MEGF6: variants seen among roughly 807,000 people sequenced by gnomAD.
MEGF6 encodes the protein multiple EGF like domains 6.
Under a neutral mutation model 207.1 loss-of-function variants are expected in MEGF6, and 184 were observed. The observed-to-expected ratio is 0.89, with a 90% CI of 0.79 to 1.00. The LOEUF (loss-of-function observed/expected upper bound fraction) is 1.00, where lower values mean the gene tolerates loss of function less well. Among genes scored for constraint, MEGF6 ranks in the 50% least tolerant of loss-of-function variants. The probability of loss-of-function intolerance (pLI) is 0.00; values close to 1 mark genes in which losing one functional copy is unlikely to be tolerated. For missense variants in MEGF6, 2,282 were observed against 2,202.9 expected (o/e 1.04, Z -0.72); for synonymous variants, 1,038 against 910.0 (o/e 1.14, Z -2.53).
Position 3,602,745 on chromosome 1 carries a change from C to T in MEGF6, c.132-145G>A. On this transcript the variant is annotated intron_variant, in intron 1 of 36. Transcript: ENST00000356575. ...GGCCTCCACGGCACAGTGCCCATGC[C>T]AGTGCCCCAGGCCAGCCGTGGGACC... The T allele has an allele frequency of 8.7e-6, 11 of 1,263,518 alleles. No individual in the cohort carries two copies. In the South Asian group the frequency reaches 1.3e-4, roughly 14 times the overall value. The allele number at this position is 1,263,518 out of a possible 1,614,324, so 78.3% of individuals were successfully genotyped here. A position where few individuals can be genotyped will look rare whatever the true frequency, so the allele number is the denominator to read the frequency against.
chr1:3,552,344 G>A (rs1213716492), intron 4 of MEGF6, among the ~76,000 whole-genome samples: 2 of 152,240 alleles, frequency 1.3e-5, no homozygotes, highest in Admixed American at 6.5e-5. Flanking sequence ...CTGGGGCTGC[G>A]CCTGATGCCA....
chr1:3,532,370 C>T (rs1182692698), intron 4 of MEGF6, among the ~76,000 whole-genome samples: 1 of 152,224 alleles, frequency 6.6e-6, no homozygotes, highest in African/African-American at 2.4e-5. Flanking sequence ...CACTGGGCTC[C>T]CACTCCTAGC....
intron 2 of MEGF6, among the ~76,000 whole-genome samples, chr1:3,598,318 GC>G (rs543528296): frequency 1.1e-3 from 175 of 152,336 alleles, no homozygotes; most frequent in African/African-American, 3.7e-3. Flanking sequence ...TGGCCGGCCG[GC>G]GGGCGGGCCG....
chr1:3,542,610 T>C (rs1642565847), intron 4 of MEGF6, among the ~76,000 whole-genome samples: 1 of 152,220 alleles, frequency 6.6e-6, no homozygotes, highest in Non-Finnish European at 1.5e-5. Flanking sequence ...CTCTCCTCTC[T>C]GTCCGGGGTT....
intron 2 of MEGF6, among the ~76,000 whole-genome samples, chr1:3,600,778 C>T (rs1644144043): frequency 6.6e-6 from 1 of 152,198 alleles, no homozygotes; most frequent in African/African-American, 2.4e-5. Context: ...CACCACCTCA[C>T]TTGGGGCTGG....
chr1:3,587,855 GC>G, intron 3 of MEGF6, among the ~76,000 whole-genome samples: 1 of 148,706 alleles, frequency 6.7e-6, no homozygotes, highest in Non-Finnish European at 1.5e-5. Flanking sequence ...GACAGGAGGG[GC>G]CAGGAGGGGA....
chr1:3,603,264 A>T (rs1644189174), intron 1 of MEGF6, among the ~76,000 whole-genome samples: 1 of 151,914 alleles, frequency 6.6e-6, no homozygotes, highest in Non-Finnish European at 1.5e-5. Flanking sequence ...TCCAGACCCC[A>T]CCGGGCTCGG....
At chr1:3,548,622 T>C (rs1431366786) in intron 4 of MEGF6, among the ~76,000 whole-genome samples, 1 of 152,234 alleles carries the variant, frequency 6.6e-6, no homozygotes, top group Non-Finnish European at 1.5e-5. Context: ...ACCCAAGCTC[T>C]GGGACCTGTC....
intron 2 of MEGF6, among the ~76,000 whole-genome samples, chr1:3,600,601 A>G (rs1013829236): frequency 1.3e-5 from 2 of 152,186 alleles, no homozygotes; most frequent in Admixed American, 6.5e-5. Flanking sequence ...GCGTGGAGTG[A>G]TATCTGGACC....
intron 5 of MEGF6, among the ~76,000 whole-genome samples, chr1:3,519,538 C>T (rs943547507): frequency 1.3e-5 from 2 of 152,248 alleles, no homozygotes; most frequent in South Asian, 2.1e-4. Context: ...CCCAGGGCTG[C>T]GTGAGCATCA....
intron 11 of MEGF6, 43 bp downstream of exon 11, chr1:3,509,827 G>A (rs749443385): frequency 9.3e-6 from 14 of 1,511,436 alleles, no homozygotes; most frequent in East Asian, 2.4e-5. Flanking sequence ...GGGCAAACTC[G>A]AGAAGGCAGA....
chr1:3,530,955 C>A, intron 4 of MEGF6: 1 of 1,295,712 alleles, frequency 7.7e-7, no homozygotes, highest in South Asian at 1.8e-5. Context: ...GGGCACTGCC[C>A]CGCCCTGCTC....
chr1:3,540,175 A>C (rs940012287), intron 4 of MEGF6, among the ~76,000 whole-genome samples: 7 of 152,190 alleles, frequency 4.6e-5, no homozygotes, highest in Non-Finnish European at 8.8e-5. Flanking sequence ...CTGACGCTGA[A>C]GGCTATTATT....
intron 5 of MEGF6, among the ~76,000 whole-genome samples, chr1:3,518,751 CTT>C (rs1491443302): frequency 2.4e-4 from 37 of 152,310 alleles, no homozygotes; most frequent in Non-Finnish European, 4.9e-4. Context: ...GTTTCTAGAT[CTT>C]GAGTCTCCTG....
chr1:3,554,760 TCCACCTGGGCAACCCAGGG>T (rs1343628513), intron 4 of MEGF6, among the ~76,000 whole-genome samples: 1 of 152,150 alleles, frequency 6.6e-6, no homozygotes, highest in Non-Finnish European at 1.5e-5. Context: ...GCATTCAGGG[TCCACCTGGGCAACCCAGGG>T]CCACCTTCCC....
chr1:3,496,920 AG>A, intron 28 of MEGF6, 67 bp downstream of exon 28: 4 of 1,530,576 alleles, frequency 2.6e-6, no homozygotes, highest in South Asian at 2.4e-5. Flanking sequence ...CCCGGGGACC[AG>A]GGGAACTGGG....
Position 3,498,738 on chromosome 1 carries a change from A to G in MEGF6, c.3183T>C (p.Cys1061=), listed in dbSNP as rs1640722158. Residue 1061 remains cysteine, a synonymous_variant, in exon 25 of 37, where the codon TGT becomes TGC. Transcript: ENST00000356575. ...GGCCGGCCCAGCCCTCTGGGCACGCACAGTGGCCTGAGACAGGGTCACAGG... is the reference window on the plus strand; with the variant it reads ...GGCCGGCCCAGCCCTCTGGGCACGCGCAGTGGCCTGAGACAGGGTCACAGG... ...GGTCDPVSGH[C]ACPEGWAGLA... 6.4e-7 allele frequency: 1 copy of G among 1,566,168 alleles called. No homozygotes were observed. The highest frequency in any genetic ancestry group is 8.6e-7 in the Non-Finnish European group (1 of 1,157,380).
chr1:3,534,419 C>A (rs182902057), intron 4 of MEGF6, among the ~76,000 whole-genome samples: 1 of 152,192 alleles, frequency 6.6e-6, no homozygotes, highest in South Asian at 2.1e-4. Context: ...GTGTGGCTCA[C>A]ATTCTGTTTC....
chr1:3,506,204 G>A lies in MEGF6; in HGVS notation c.1822C>T (p.Arg608Cys), dbSNP rs368929201. Residue 608 changes from arginine (R) to cysteine (C), a missense_variant, in exon 15 of 37, where the codon CGC (arginine) becomes TGC (cysteine). Coordinates refer to ENST00000356575, the MANE Select transcript of MEGF6 (RefSeq NM_001409.4). ...CGGTTGGCACAGTTGCATTTCTTGC[G>A]ACAGTGCTTGCCATAGTAGCCCTTG... ...CPKGYYGKHC[R>C]KKCNCANRGR... 4.9e-5 allele frequency: 78 copies of A among 1,606,900 alleles called. No individual in the cohort carries two copies. The highest frequency in any genetic ancestry group is 6.7e-5 in the Admixed American group (4 of 59,396).
Sources: gnomAD v4.1 joint callset for allele counts (sites outside exome capture counted in the v4.1 genomes callset) on GRCh38, gnomAD v4.1.1 for gene constraint, MANE v1.5 for transcripts, NCBI Gene and HGNC (gene_info 2026-07-23, HGNC 2026-07-21) for gene names.